NCAM2: variants seen among roughly 807,000 people sequenced by gnomAD.
NCAM2 encodes the protein N-CAM-2.
Under a neutral mutation model 98.1 loss-of-function variants are expected in NCAM2, and 30 were observed. The ratio of observed to expected loss-of-function variants is 0.31; its 90% CI spans 0.23 to 0.41. The LOEUF is 0.41. Ranked by LOEUF, NCAM2 falls within the 10% of genes least tolerant of loss-of-function variation. The pLI, the probability that NCAM2 is intolerant of heterozygous loss-of-function variation, is 1.00. For synonymous variants in NCAM2, 368 were observed against 342.4 expected (o/e 1.07, Z -0.83); for missense variants, 867 against 1,005.8 (o/e 0.86, Z 1.87).
At position 21,536,516 on chromosome 21, in the gene NCAM2, C is replaced by T. The variant is rs577229499; in HGVS notation, c.2403-1330C>T. 1.6e-4 allele frequency among the ~76,000 whole-genome samples: 24 copies of T among 151,900 alleles called. No homozygotes were observed. In the East Asian group the frequency reaches 3.5e-3, roughly 22 times the overall value. Reference sequence around the variant, plus strand: ...AAGCAATTCTCCTGTCTCAGCCTCCCGAATAGCTGGGATTACAGGCGCACG... The same window carrying T: ...AAGCAATTCTCCTGTCTCAGCCTCCTGAATAGCTGGGATTACAGGCGCACG... On this transcript the variant is annotated intron_variant, in intron 17 of 17. Transcript: ENST00000400546.
Position 21,539,293 on chromosome 21 carries a change from C to T in NCAM2, c.*1336C>T, listed in dbSNP as rs977749136. 3 of 152,134 alleles carry T rather than the reference C, an allele frequency of 2.0e-5. No homozygotes were observed. Among genetic ancestry groups the T allele is most frequent in the Non-Finnish European group, 4.4e-5 (3 of 68,024 alleles). 9.4% of individuals were successfully genotyped at this position (152,134 alleles called of 1,614,324 possible). On this transcript the variant is annotated 3_prime_UTR_variant, in exon 18 of 18. Coordinates refer to ENST00000400546, the MANE Select transcript of NCAM2 (RefSeq NM_004540.5). ...TTAAAAAAGTATTTATCATTATAAA[C>T]ATACATACCATTTGGGAGCAGGTTT...
intron 1 of NCAM2, among the ~76,000 whole-genome samples, chr21:21,128,596 A>AGTAGT (rs2066874519): frequency 6.6e-6 from 1 of 152,182 alleles, no homozygotes; most frequent in African/African-American, 2.4e-5. Context: ...ACAAAGTAAA[A>AGTAGT]GTAGTGTCGA....
intron 15 of NCAM2, among the ~76,000 whole-genome samples, chr21:21,480,053 G>A (rs1985694467): frequency 6.6e-6 from 1 of 152,118 alleles, no homozygotes. Context: ...AGAGAAGACA[G>A]ATATTCAACA....
rs997943011 is a variant in NCAM2 at position 21,539,534 on chromosome 21, A to C, written c.*1577A>C. On this transcript the variant is annotated 3_prime_UTR_variant, in exon 18 of 18. Transcript: ENST00000400546. ...TGTAAAATTAAGGCAACTCATGAAT[A>C]TTTTTATTTACAAAGTGCTTGAAAC... is the stretch of plus-strand genomic sequence containing the variant. 6.6e-6 allele frequency: 1 copy of C among 152,162 alleles called. No homozygotes were observed. The highest frequency in any genetic ancestry group is 1.5e-5 in the Non-Finnish European group (1 of 68,042). The allele number at this position is 152,162 out of a possible 1,614,324, so 9.4% of individuals were successfully genotyped here.
At chr21:21,206,131 A>G (rs2069428365) in intron 1 of NCAM2, among the ~76,000 whole-genome samples, 1 of 152,186 alleles carries the variant, frequency 6.6e-6, no homozygotes, top group African/African-American at 2.4e-5. Context: ...GCAAATGTTA[A>G]TTAAGTGAAT....
chr21:21,519,365 G>T (rs544449993), intron 16 of NCAM2, among the ~76,000 whole-genome samples: 95 of 152,148 alleles, frequency 6.2e-4, no homozygotes, highest in Middle Eastern at 3.4e-3. Flanking sequence ...AAAAGTTGGG[G>T]TTTTTTGGCC....
intron 1 of NCAM2, among the ~76,000 whole-genome samples, chr21:21,097,309 C>T (rs1334344851): frequency 6.6e-6 from 1 of 151,562 alleles, no homozygotes; most frequent in African/African-American, 2.4e-5. Flanking sequence ...ATACTTTATG[C>T]CAGTATAGTC....
intron 1 of NCAM2, among the ~76,000 whole-genome samples, chr21:21,157,568 G>T (rs2067652827): frequency 6.6e-6 from 1 of 152,112 alleles, no homozygotes; most frequent in African/African-American, 2.4e-5. Flanking sequence ...TCAAATAAAT[G>T]AAGGGGAGGA....
intron 11 of NCAM2, among the ~76,000 whole-genome samples, chr21:21,422,937 A>G (rs1336307278): frequency 1.3e-5 from 2 of 152,164 alleles, no homozygotes; most frequent in Non-Finnish European, 2.9e-5. Context: ...CTTCCAAAAG[A>G]TGATTATCTG....
At chr21:21,156,453 A>G (rs2067613217) in intron 1 of NCAM2, among the ~76,000 whole-genome samples, 2 of 152,020 alleles carry the variant, frequency 1.3e-5, no homozygotes, top group African/African-American at 2.4e-5. Flanking sequence ...ATACAAATAC[A>G]GTATACCTAG....
In NCAM2 at chr21:21,433,016, T is replaced by C. The variant is rs9983499; in HGVS notation, c.1654+735T>C. Among the ~76,000 whole-genome samples the C allele has an allele frequency of 2.9e-3, 434 of 152,234 alleles. 1 individual carries two copies. Among genetic ancestry groups the C allele is most frequent in the African/African-American group, 0.01 (421 of 41,534 alleles). ...GATCCTACCTTGACCCTAACACATATGGTGTAGGGGTTCAGTAAAAAGCAA... is the reference window on the plus strand; with the variant it reads ...GATCCTACCTTGACCCTAACACATACGGTGTAGGGGTTCAGTAAAAAGCAA... On this transcript the variant is annotated intron_variant, in intron 12 of 17. Transcript: ENST00000400546.
At chr21:21,076,651 G>C (rs2065686853) in intron 1 of NCAM2, among the ~76,000 whole-genome samples, 1 of 151,984 alleles carries the variant, frequency 6.6e-6, no homozygotes, top group Non-Finnish European at 1.5e-5. Flanking sequence ...ATATTCACTA[G>C]TACATATAAG....
At chr21:21,431,419 C>T (rs2077341526) in intron 11 of NCAM2, among the ~76,000 whole-genome samples, 1 of 151,114 alleles carries the variant, frequency 6.6e-6, no homozygotes, top group Admixed American at 6.6e-5. Context: ...CCTAAGATAC[C>T]TTATTGAACT....
At chr21:21,017,888 T>C (rs1282292608) in intron 1 of NCAM2, among the ~76,000 whole-genome samples, 1 of 152,170 alleles carries the variant, frequency 6.6e-6, no homozygotes, top group Non-Finnish European at 1.5e-5. Context: ...TATATACTTA[T>C]ACACATACAG....
intron 12 of NCAM2, among the ~76,000 whole-genome samples, chr21:21,446,891 G>T (rs1980242011): frequency 6.6e-6 from 1 of 151,980 alleles, no homozygotes; most frequent in African/African-American, 2.4e-5. Flanking sequence ...CACTCTCAAG[G>T]AAATAAGAGA....
intron 1 of NCAM2, among the ~76,000 whole-genome samples, chr21:21,278,305 T>A (rs1025321842): frequency 6.6e-6 from 1 of 152,108 alleles, no homozygotes; most frequent in African/African-American, 2.4e-5. Context: ...CTCTTCAGAT[T>A]CAAGCTTCTT....
intron 1 of NCAM2, among the ~76,000 whole-genome samples, chr21:21,056,120 A>C (rs1341858867): frequency 6.6e-6 from 1 of 152,148 alleles, no homozygotes; most frequent in Non-Finnish European, 1.5e-5. Context: ...ATAGCAATAA[A>C]ATAATTGGAG....
At chr21:21,512,212 C>T in intron 16 of NCAM2, among the ~76,000 whole-genome samples, 1 of 151,920 alleles carries the variant, frequency 6.6e-6, no homozygotes, top group East Asian at 1.9e-4. Context: ...TACTCTAGTA[C>T]TTTCATAGAT....
intron 9 of NCAM2, among the ~76,000 whole-genome samples, chr21:21,409,384 A>T (rs1392466242): frequency 6.6e-6 from 1 of 152,212 alleles, no homozygotes; most frequent in Admixed American, 6.5e-5. Flanking sequence ...GTTACTTTTC[A>T]AATTAATTAT....
Sources: gnomAD v4.1 joint callset for allele counts (sites outside exome capture counted in the v4.1 genomes callset) on GRCh38, gnomAD v4.1.1 for gene constraint, MANE v1.5 for transcripts, NCBI Gene and HGNC (gene_info 2026-07-23, HGNC 2026-07-21) for gene names.